The following NRG3 variants were observed in gnomAD, a reference collection of about 807,000 sequenced individuals.
NRG3 encodes neuregulin 3.
NRG3 carries 31 observed loss-of-function variants against 66.9 expected under a neutral mutation model. That is an observed-to-expected ratio of 0.46 (90% CI 0.35 to 0.63). The LOEUF is 0.63. Ranked by LOEUF, NRG3 falls within the 20% of genes least tolerant of loss-of-function variation. NRG3 has a pLI of 0.00. For synonymous variants in NRG3, 393 were observed against 359.4 expected (o/e 1.09, Z -1.06); for missense variants, 910 against 878.9 (o/e 1.04, Z -0.45).
intron 1 of NRG3, among the ~76,000 whole-genome samples, chr10:82,165,437 T>G (rs953035197): frequency 2.6e-5 from 4 of 152,096 alleles, no homozygotes; most frequent in African/African-American, 9.7e-5. Flanking sequence ...TAATGTCAAT[T>G]TTGTAGGCAA....
intron 2 of NRG3, among the ~76,000 whole-genome samples, chr10:82,708,593 A>T (rs2056465273): frequency 6.6e-6 from 1 of 152,192 alleles, no homozygotes; most frequent in Non-Finnish European, 1.5e-5. Context: ...AGTTATGATC[A>T]TCCCATCTGA....
intron 2 of NRG3, among the ~76,000 whole-genome samples, chr10:82,579,963 G>T (rs2046259053): frequency 6.6e-6 from 1 of 151,878 alleles, no homozygotes; most frequent in Non-Finnish European, 1.5e-5. Context: ...GTGAGGGATT[G>T]GTTCCAAGAT....
intron 2 of NRG3, among the ~76,000 whole-genome samples, chr10:82,588,321 G>C (rs1169118882): frequency 6.6e-6 from 1 of 152,034 alleles, no homozygotes; most frequent in African/African-American, 2.4e-5. Context: ...GTGAAATCTG[G>C]TTGTTTAAAT....
intron 1 of NRG3, among the ~76,000 whole-genome samples, chr10:82,162,573 A>G (rs1453781046): frequency 3.3e-5 from 5 of 152,160 alleles, no homozygotes; most frequent in Non-Finnish European, 5.9e-5. Context: ...AAGAGAAGTC[A>G]CTAAGTTATT....
intron 1 of NRG3, among the ~76,000 whole-genome samples, chr10:81,991,530 C>G (rs1353837888): frequency 6.6e-6 from 1 of 152,054 alleles, no homozygotes; most frequent in Non-Finnish European, 1.5e-5. Context: ...GTGTGGGTCC[C>G]CCAAAGGCAT....
In NRG3 at chr10:82,442,973, G is replaced by T. The variant is rs372079420; in HGVS notation, c.953+84105G>T. On this transcript the variant is annotated intron_variant, in intron 2 of 8. Coordinates refer to ENST00000372141, the MANE Select transcript of NRG3 (RefSeq NM_001010848.4). ...TGTCTTTCCTTAGAGGGAGACAGCC[G>T]CTAGAATAATAAATCAGCAGTGGAA... Among the ~76,000 whole-genome samples the T allele has an allele frequency of 2.0e-5, 3 of 151,888 alleles. No homozygotes were observed. In the South Asian group the frequency reaches 6.3e-4, roughly 32 times the overall value.
rs570822960 is a variant in NRG3, at chr10:82,446,729, C to T, written c.953+87861C>T. Among the ~76,000 whole-genome samples, 4 of 152,240 alleles carry T rather than the reference C, an allele frequency of 2.6e-5. No individual in the cohort carries two copies. In the East Asian group the frequency reaches 7.7e-4, roughly 29 times the overall value. The stretch of plus-strand genomic sequence containing the variant: ...TGATGGGCTGATCTGTGCAGTAAAC[C>T]ACCATGGTACACATTTATCTATGTT... On this transcript the variant is annotated intron_variant, in intron 2 of 8. Transcript: ENST00000372141.
chr10:82,412,668 G>C (rs2088193297), intron 2 of NRG3, among the ~76,000 whole-genome samples: 1 of 152,144 alleles, frequency 6.6e-6, no homozygotes, highest in South Asian at 2.1e-4. Flanking sequence ...AGCATGTGAT[G>C]TTGCTTAATA....
At chr10:82,285,102 C>T (rs1331636177) in intron 1 of NRG3, among the ~76,000 whole-genome samples, 2 of 152,160 alleles carry the variant, frequency 1.3e-5, no homozygotes, top group Non-Finnish European at 1.5e-5. Flanking sequence ...GCAGTTGTCT[C>T]CTTCCACTAG....
At chr10:82,288,716 C>A (rs1424924191) in intron 1 of NRG3, among the ~76,000 whole-genome samples, 3 of 152,200 alleles carry the variant, frequency 2.0e-5, no homozygotes, top group Non-Finnish European at 4.4e-5. Flanking sequence ...ATGACACTGA[C>A]TCAATGGTTT....
At chr10:82,001,089 A>G (rs533460022) in intron 1 of NRG3, among the ~76,000 whole-genome samples, 122 of 152,240 alleles carry the variant, frequency 8.0e-4, no homozygotes, top group Admixed American at 8.5e-4. Flanking sequence ...TCCTATTACA[A>G]TGAAGGCAAA....
intron 2 of NRG3, among the ~76,000 whole-genome samples, chr10:82,424,742 A>T (rs1240696379): frequency 6.6e-6 from 1 of 151,902 alleles, no homozygotes; most frequent in African/African-American, 2.4e-5. Context: ...ATTTACTCCT[A>T]TGCTTCTTTT....
At chr10:82,300,696 A>G (rs1421730330) in intron 1 of NRG3, among the ~76,000 whole-genome samples, 1 of 152,206 alleles carries the variant, frequency 6.6e-6, no homozygotes, top group Non-Finnish European at 1.5e-5. Flanking sequence ...ACAGAAAATC[A>G]CAAGCTAATA....
At chr10:82,132,599 A>T (rs2069009571) in intron 1 of NRG3, among the ~76,000 whole-genome samples, 1 of 133,836 alleles carries the variant, frequency 7.5e-6, no homozygotes, top group Non-Finnish European at 1.6e-5. Context: ...GAAGTTTGGA[A>T]GTATTTCCTC....
intron 2 of NRG3, among the ~76,000 whole-genome samples, chr10:82,731,584 CA>C (rs1004811856): frequency 6.6e-6 from 1 of 150,766 alleles, no homozygotes; most frequent in African/African-American, 2.4e-5. Context: ...CATGTTGTCA[CA>C]AATGACAGAA....
intron 1 of NRG3, among the ~76,000 whole-genome samples, chr10:82,101,662 C>T (rs2132115298): frequency 6.6e-6 from 1 of 151,774 alleles, no homozygotes; most frequent in East Asian, 1.9e-4. Context: ...AATTGATTTA[C>T]AGTTCAACTC....
chr10:81,907,729 T>A (rs182337773), intron 1 of NRG3, among the ~76,000 whole-genome samples: 1 of 152,268 alleles, frequency 6.6e-6, no homozygotes, highest in East Asian at 1.9e-4. Context: ...CAGAATTATA[T>A]TTAGCTCTGG....
At chr10:82,272,084 A>G (rs887055307) in intron 1 of NRG3, among the ~76,000 whole-genome samples, 1 of 152,086 alleles carries the variant, frequency 6.6e-6, no homozygotes, top group Admixed American at 6.6e-5. Context: ...GCAATTTTAG[A>G]TGTTGACATT....
intron 1 of NRG3, among the ~76,000 whole-genome samples, chr10:82,060,949 G>T (rs1246109806): frequency 4.6e-5 from 7 of 152,184 alleles, no homozygotes; most frequent in Admixed American, 4.6e-4. Context: ...TTGAGGTCAG[G>T]CCTGTCTGGC....
Sources: allele counts gnomAD v4.1 joint callset (sites outside exome capture counted in the v4.1 genomes callset), GRCh38; gene constraint gnomAD v4.1.1; transcripts MANE v1.5; gene names NCBI Gene and HGNC (gene_info 2026-07-23, HGNC 2026-07-21).